The following MS4A15 variants were observed in gnomAD, a reference collection of about 807,000 sequenced individuals.
MS4A15 encodes the protein membrane spanning 4-domains A15.
In MS4A15, 22 loss-of-function variants were observed where a neutral mutation model predicts 20.6. The observed-to-expected ratio is 1.07, with a 90% CI of 0.76 to 1.52. The LOEUF is 1.52. Among genes scored for constraint, MS4A15 ranks in the 40% most tolerant of loss-of-function variants. The pLI is 0.00. For synonymous variants in MS4A15, 129 were observed against 129.3 expected, an observed-to-expected ratio of 1.00 and a Z score of 0.02; for missense variants, 312 against 323.0, an observed-to-expected ratio of 0.97 and a Z score of 0.26.
At chr11:60,775,456 G>A in intron 6 of MS4A15, 149 bp from the exon 7 acceptor site, 2 of 631,988 alleles carry the variant, frequency 3.2e-6, no homozygotes, top group Admixed American at 2.4e-5. Flanking sequence ...TGAAATATTG[G>A]TTGCACGGAG....
intron 4 of MS4A15, chr11:60,771,767 A>C: frequency 8.2e-7 from 1 of 1,212,258 alleles, no homozygotes. Context: ...AGGTAGGAGA[A>C]GGAAAGTGGA....
At chr11:60,769,671 A>T (rs190310097) in intron 3 of MS4A15, among the ~76,000 whole-genome samples, 1 of 151,966 alleles carries the variant, frequency 6.6e-6, no homozygotes, top group Non-Finnish European at 1.5e-5. Flanking sequence ...TATCCCTCCT[A>T]TCACCTCCTC....
At chr11:60,775,249 G>A (rs1027740676) in intron 6 of MS4A15, among the ~76,000 whole-genome samples, 9 of 152,026 alleles carry the variant, frequency 5.9e-5, no homozygotes, top group South Asian at 4.2e-4. Context: ...CCCAAGAGGC[G>A]GAGGTTGCAG....
chr11:60,768,446 T>C (rs1300106845), intron 3 of MS4A15, among the ~76,000 whole-genome samples: 2 of 152,202 alleles, frequency 1.3e-5, no homozygotes, highest in Non-Finnish European at 2.9e-5. Flanking sequence ...GGTGAGTCCT[T>C]GTCACTGCCA....
chr11:60,763,942 A>G lies in MS4A15; in HGVS notation c.209A>G (p.Glu70Gly). 6.2e-7 allele frequency: 1 copy of G among 1,612,712 alleles called. No individual in the cohort carries two copies. Among genetic ancestry groups the G allele is most frequent in the South Asian group, 1.1e-5 (1 of 91,020 alleles). Reference sequence around the variant, plus strand: ...CCCGTGGAGACATTCCTGACAGGAGAGCCCAAAGTTTTGGGGGTAAGAACA... The same window carrying G: ...CCCGTGGAGACATTCCTGACAGGAGGGCCCAAAGTTTTGGGGGTAAGAACA... Reference protein sequence around the residue: ...LRPVETFLTGEPKVLGTVQIL... With the variant: ...LRPVETFLTGGPKVLGTVQIL... The change falls in exon 2 of 7, where the codon GAG becomes GGG. Residue 70 changes from glutamate to glycine, a missense_variant. Coordinates refer to ENST00000405633, the MANE Select transcript of MS4A15 (RefSeq NM_001098835.2).
At chr11:60,762,348 G>T (rs1853765855) in intron 1 of MS4A15, among the ~76,000 whole-genome samples, 1 of 152,110 alleles carries the variant, frequency 6.6e-6, no homozygotes, top group Admixed American at 6.5e-5. Flanking sequence ...TTCTATCTAT[G>T]TCACACCTCT....
Position 60,771,365 on chromosome 11 carries a change from G to C in MS4A15, c.405+18G>C. ...GTTGCCTGGTGAGTGTGAACAGGGG[G>C]ACCCAGGGGCGGGGATGAAGCCACA... On this transcript the variant is annotated intron_variant, in intron 4 of 6. Transcript: ENST00000405633. The C allele has an allele frequency of 6.2e-7, 1 of 1,614,002 alleles. No homozygotes were observed. The highest frequency in any genetic ancestry group is 8.5e-7 in the Non-Finnish European group (1 of 1,180,012).
chr11:60,773,732 C>A, intron 5 of MS4A15, 105 bp from the exon 6 acceptor site: 1 of 986,246 alleles, frequency 1.0e-6, no homozygotes, highest in Non-Finnish European at 1.6e-6. Flanking sequence ...CCAGGCACAG[C>A]TCTGCTCCCA....
At chr11:60,771,803 C>T (rs1854052008) in intron 4 of MS4A15, 4 of 1,196,564 alleles carry the variant, frequency 3.3e-6, no homozygotes, top group Non-Finnish European at 2.1e-6. Flanking sequence ...GAGATTTAAT[C>T]CCATGATGGG....
chr11:60,765,961 A>C (rs1261158260), intron 2 of MS4A15, among the ~76,000 whole-genome samples: 1 of 152,172 alleles, frequency 6.6e-6, no homozygotes, highest in African/African-American at 2.4e-5. Flanking sequence ...AGAGTTATGG[A>C]ATGCCACCCG....
At chr11:60,761,856 A>C (rs561463940) in intron 1 of MS4A15, among the ~76,000 whole-genome samples, 5 of 152,370 alleles carry the variant, frequency 3.3e-5, no homozygotes, top group Non-Finnish European at 5.9e-5. Context: ...GAGCAGAATC[A>C]ATCCTTTTAT....
At position 60,763,811 on chromosome 11, in the gene MS4A15, G is replaced by A. The variant is rs575190018; in HGVS notation, c.78G>A (p.Pro26=). The A allele has an allele frequency of 2.1e-5, 34 of 1,612,322 alleles. No individual in the cohort carries two copies. The highest frequency in any genetic ancestry group is 2.0e-4 in the East Asian group (9 of 44,884). Residue 26 remains proline, a synonymous_variant, in exon 2 of 7, where the codon CCG becomes CCA. Transcript: ENST00000405633. ...ACGCCAGTGGCCTCTGCCCACCTCC[G>A]GCCATTCTGCCCACATCCATGTGCC... ...PNNASGLCPP[P]AILPTSMCQP...
chr11:60,757,559 A>G (rs1187937323), intron 1 of MS4A15, among the ~76,000 whole-genome samples: 3 of 152,092 alleles, frequency 2.0e-5, no homozygotes, highest in Non-Finnish European at 4.4e-5. Context: ...CATAAGGAGG[A>G]TATTTTTTTC....
At chr11:60,771,706 G>A in intron 4 of MS4A15, 1 of 1,299,840 alleles carries the variant, frequency 7.7e-7, no homozygotes, top group Admixed American at 2.4e-5. Flanking sequence ...ACGGAGGAGT[G>A]TGGGCAGGGT....
chr11:60,759,256 A>G (rs1853668459), intron 1 of MS4A15, among the ~76,000 whole-genome samples: 1 of 152,274 alleles, frequency 6.6e-6, no homozygotes, highest in Non-Finnish European at 1.5e-5. Context: ...CTGTGCTCAC[A>G]GAAACATGTG....
At chr11:60,758,958 T>G (rs1270602279) in intron 1 of MS4A15, among the ~76,000 whole-genome samples, 1 of 152,228 alleles carries the variant, frequency 6.6e-6, no homozygotes, top group Non-Finnish European at 1.5e-5. Context: ...CTTACAAACT[T>G]TTCCTCACCA....
intron 2 of MS4A15, among the ~76,000 whole-genome samples, chr11:60,765,808 T>C (rs1853871028): frequency 1.3e-5 from 2 of 150,898 alleles, no homozygotes; most frequent in African/African-American, 2.5e-5. Flanking sequence ...GCCACTGACT[T>C]GTGGCCCATG....
chr11:60,763,583 T>A, intron 1 of MS4A15, 123 bp from the exon 2 acceptor site: 1 of 759,334 alleles, frequency 1.3e-6, no homozygotes, highest in Non-Finnish European at 2.1e-6. Context: ...CCAGCTTTGA[T>A]GAGAGCGTTT....
intron 4 of MS4A15, chr11:60,771,612 G>A (rs1854047698): frequency 6.7e-7 from 1 of 1,489,924 alleles, no homozygotes; most frequent in Non-Finnish European, 8.9e-7. Flanking sequence ...AAGGAAAGAT[G>A]CTAGAAGATC....
Sources: allele counts gnomAD v4.1 joint callset (sites outside exome capture counted in the v4.1 genomes callset), GRCh38; gene constraint gnomAD v4.1.1; transcripts MANE v1.5; gene names NCBI Gene and HGNC (gene_info 2026-07-23, HGNC 2026-07-21).